The following STK39 variants were observed in gnomAD, a reference collection of about 807,000 sequenced individuals.
STK39 encodes the protein STE20/SPS1-related proline-alanine-rich protein kinase.
Under a neutral mutation model 77.8 loss-of-function variants are expected in STK39, and 20 were observed. The observed-to-expected ratio is 0.26, with a 90% confidence interval of 0.18 to 0.37. The LOEUF (loss-of-function observed/expected upper bound fraction) is 0.37, where lower values mean the gene tolerates loss of function less well. Ranked by LOEUF, STK39 falls within the 10% of genes least tolerant of loss-of-function variation. The pLI, the probability that STK39 is intolerant of heterozygous loss-of-function variation, is 1.00. For missense variants in STK39, 479 were observed against 656.5 expected (o/e 0.73, Z 2.95); for synonymous variants, 246 against 234.1 (o/e 1.05, Z -0.47).
At chr2:168,133,752 G>T (rs1218229274) in intron 8 of STK39, among the ~76,000 whole-genome samples, 1 of 152,038 alleles carries the variant, frequency 6.6e-6, no homozygotes, top group African/African-American at 2.4e-5. Flanking sequence ...CAGCTACTCA[G>T]GAGGCTGAGG....
rs1480644321 is a variant in STK39, at chr2:168,050,514, A to G, written c.1376+12986T>C. Among the ~76,000 whole-genome samples the G allele has an allele frequency of 2.6e-5, 4 of 152,220 alleles. No individual in the cohort carries two copies. In the East Asian group the frequency reaches 7.7e-4, roughly 29 times the overall value. On this transcript the variant is annotated intron_variant, in intron 14 of 17. Coordinates refer to ENST00000355999, the MANE Select transcript of STK39 (RefSeq NM_013233.3). ...ACCATCCTAATCACAAGGGTCCTTA[A>G]AAGCAGAGAAGCCTCCTGGTGGTCA...
intron 17 of STK39, among the ~76,000 whole-genome samples, chr2:167,962,971 G>A (rs1426014282): frequency 6.6e-6 from 1 of 152,186 alleles, no homozygotes; most frequent in East Asian, 1.9e-4. Context: ...AGAGCTGGAG[G>A]AGTGGGGGCA....
rs571429327 is a variant in STK39 at position 168,060,050 on chromosome 2, C to T, written c.1376+3450G>A. 3.7e-4 allele frequency among the ~76,000 whole-genome samples: 57 copies of T among 152,160 alleles called. No homozygotes were observed. In the South Asian group the frequency reaches 0.011, roughly 28 times the overall value. Reference sequence around the variant, plus strand: ...TACCATTTTCGTTTACTTTAGAACACGGTGATCACAAAAAAGTAATACTGT... The same window carrying T: ...TACCATTTTCGTTTACTTTAGAACATGGTGATCACAAAAAAGTAATACTGT... On this transcript the variant is annotated intron_variant, in intron 14 of 17. Transcript: ENST00000355999.
chr2:168,076,846 G>A (rs1207043186), intron 10 of STK39, among the ~76,000 whole-genome samples: 2 of 152,088 alleles, frequency 1.3e-5, no homozygotes, highest in Admixed American at 1.3e-4. Context: ...TAATGACGGT[G>A]ATTTTAATGG....
chr2:168,199,016 G>A (rs147419028), intron 1 of STK39, among the ~76,000 whole-genome samples: 2 of 152,264 alleles, frequency 1.3e-5, no homozygotes, highest in East Asian at 3.9e-4. Context: ...TTTCCCTGAT[G>A]TCTCCAGATT....
chr2:168,131,895 A>C (rs1224795662), intron 8 of STK39, among the ~76,000 whole-genome samples: 1 of 152,164 alleles, frequency 6.6e-6, no homozygotes, highest in East Asian at 1.9e-4. Context: ...CTCTCAGTAA[A>C]TATTAACTAA....
intron 16 of STK39, among the ~76,000 whole-genome samples, chr2:167,974,216 G>C (rs1166674140): frequency 6.6e-6 from 1 of 152,120 alleles, no homozygotes; most frequent in Non-Finnish European, 1.5e-5. Flanking sequence ...CTATCAGTGA[G>C]TAAAAGTTTT....
intron 1 of STK39, among the ~76,000 whole-genome samples, chr2:168,213,532 A>G (rs1689946558): frequency 6.6e-6 from 1 of 152,054 alleles, no homozygotes; most frequent in South Asian, 2.1e-4. Context: ...CAAAAAACAA[A>G]AACATTAGGC....
At chr2:168,012,435 A>G (rs2105312980) in intron 16 of STK39, among the ~76,000 whole-genome samples, 199 bp downstream of exon 16, 1 of 152,286 alleles carries the variant, frequency 6.6e-6, no homozygotes, top group East Asian at 1.9e-4. Context: ...GGCCTCCCAA[A>G]GTGCTGGGAT....
chr2:168,193,542 A>C (rs1486985456), intron 1 of STK39, among the ~76,000 whole-genome samples: 1 of 152,216 alleles, frequency 6.6e-6, no homozygotes, highest in Non-Finnish European at 1.5e-5. Context: ...CGGTGGAAGC[A>C]GCAGCATGCT....
In STK39 at chr2:168,007,727, G is replaced by A. The variant is rs1446192381; in HGVS notation, c.1498+4907C>T. 2.0e-5 allele frequency among the ~76,000 whole-genome samples: 3 copies of A among 152,128 alleles called. No homozygotes were observed. The South Asian group carries it at 6.2e-4, about 32-fold the overall frequency. ...GAAGAGCAAGTTCAACAGCCGGGGTGGCTGGGGTGGGGTGAGCAAGGGGAA... is the reference window on the plus strand; with the variant it reads ...GAAGAGCAAGTTCAACAGCCGGGGTAGCTGGGGTGGGGTGAGCAAGGGGAA... On this transcript the variant is annotated intron_variant, in intron 16 of 17. Transcript: ENST00000355999.
chr2:168,152,961 A>C (rs1285452245), intron 5 of STK39, among the ~76,000 whole-genome samples: 1 of 152,236 alleles, frequency 6.6e-6, no homozygotes, highest in Non-Finnish European at 1.5e-5. Flanking sequence ...CCATCTGTAC[A>C]TGTTAAAAAT....
chr2:168,090,063 A>G (rs1686475689), intron 10 of STK39, among the ~76,000 whole-genome samples: 1 of 152,202 alleles, frequency 6.6e-6, no homozygotes, highest in South Asian at 2.1e-4. Context: ...TCTCCGAGGT[A>G]GCTGAGTTTG....
intron 1 of STK39, among the ~76,000 whole-genome samples, chr2:168,214,720 A>G (rs927406458): frequency 6.6e-6 from 1 of 152,248 alleles, no homozygotes; most frequent in African/African-American, 2.4e-5. Flanking sequence ...CAAAAGGTTG[A>G]CTAAGGGGGA....
intron 12 of STK39, 21 bp downstream of exon 12, chr2:168,074,957 TAATA>T (rs75892807): frequency 0.017 from 28,004 of 1,610,668 alleles, 434 homozygotes; most frequent in South Asian, 0.056. Context: ...AATGGCAAAA[TAATA>T]AATAAATAGC....
chr2:167,964,749 GAA>G, intron 16 of STK39, 23 bp from the exon 17 acceptor site: 1 of 1,586,050 alleles, frequency 6.3e-7, no homozygotes, highest in Non-Finnish European at 8.6e-7. Flanking sequence ...AACGTAGAGA[GAA>G]AGTTTCCAGA....
At chr2:168,021,261 AC>A (rs1574399101) in intron 14 of STK39, among the ~76,000 whole-genome samples, 1 of 152,198 alleles carries the variant, frequency 6.6e-6, no homozygotes, top group African/African-American at 2.4e-5. Context: ...AATATCCAAC[AC>A]CCATAATCTC....
chr2:167,996,035 C>T (rs1405855846), intron 16 of STK39, among the ~76,000 whole-genome samples: 2 of 151,412 alleles, frequency 1.3e-5, no homozygotes, highest in Non-Finnish European at 2.9e-5. Context: ...CTGGGCCCTG[C>T]AAATTATGTA....
At chr2:168,071,134 T>C (rs1206896860) in intron 12 of STK39, among the ~76,000 whole-genome samples, 1 of 152,204 alleles carries the variant, frequency 6.6e-6, no homozygotes, top group Non-Finnish European at 1.5e-5. Context: ...TGTAGCACCT[T>C]ACTCTGTCTA....
Sources: gnomAD v4.1 joint callset for allele counts (sites outside exome capture counted in the v4.1 genomes callset) on GRCh38, gnomAD v4.1.1 for gene constraint, MANE v1.5 for transcripts, NCBI Gene and HGNC (gene_info 2026-07-23, HGNC 2026-07-21) for gene names.